WSCD1: variants seen among roughly 807,000 people sequenced by gnomAD.
The protein encoded by WSCD1 is WSC domain sialate O sulfotransferase 1, also known as sialate:O-sulfotransferase 1.
WSCD1 carries 41 observed loss-of-function variants against 60.4 expected under a neutral mutation model. The observed-to-expected ratio is 0.68, with a 90% CI of 0.53 to 0.88. WSCD1 has a LOEUF of 0.88. WSCD1 is among the 40% of genes least tolerant of loss of function. The pLI, the probability that WSCD1 is intolerant of heterozygous loss-of-function variation, is 0.00. For missense variants in WSCD1, 784 were observed against 796.2 expected, an observed-to-expected ratio of 0.98 and a Z score of 0.18; for synonymous variants, 361 against 332.5, an observed-to-expected ratio of 1.09 and a Z score of -0.93.
At chr17:6,106,032 A>G (rs1911068636) in intron 5 of WSCD1, among the ~76,000 whole-genome samples, 1 of 152,210 alleles carries the variant, frequency 6.6e-6, no homozygotes, top group Non-Finnish European at 1.5e-5. Flanking sequence ...TTCTTCATTC[A>G]TTCACTCATT....
chr17:6,086,250 CATATATATATAT>C (rs61690560), intron 2 of WSCD1, among the ~76,000 whole-genome samples: 13,320 of 98,248 alleles, frequency 0.14, 1,559 homozygotes, highest in Admixed American at 0.2. Context: ...GTCCTGACTT[CATATATATATAT>C]ATATATATAT....
chr17:6,109,874 G>A (rs1315472826), intron 6 of WSCD1, 108 bp downstream of exon 6: 4 of 1,439,254 alleles, frequency 2.8e-6, no homozygotes, highest in Non-Finnish European at 3.8e-6. Context: ...ATGAGGTATG[G>A]CATGTGTCTG....
chr17:6,118,116 C>T lies in WSCD1; in HGVS notation c.1303C>T (p.Leu435=). The T allele has an allele frequency of 6.2e-7, 1 of 1,614,188 alleles. No homozygotes were observed. Among genetic ancestry groups the T allele is most frequent in the South Asian group, 1.1e-5 (1 of 91,086 alleles). ...GCTAATCCGGAACCCATACAGGTCC[C>T]TGGTGGCAGAATTCAACAGAAAATG... ...ILLIRNPYRS[L]VAEFNRKCAG... is the part of the protein sequence containing the mutation. Residue 435 remains leucine, a synonymous_variant, in exon 8 of 9, where the codon CTG becomes TTG. Coordinates refer to ENST00000317744, the MANE Select transcript of WSCD1 (RefSeq NM_015253.2). This position sits in a 1 kb window ranked among gnomAD's most constrained non-coding sequence, Gnocchi z 5.8.
At chr17:6,090,639 A>G (rs1909973732) in intron 4 of WSCD1, 134 bp downstream of exon 4, 2 of 1,249,722 alleles carry the variant, frequency 1.6e-6, no homozygotes, top group Non-Finnish European at 2.2e-6. Context: ...CCCTATTGCC[A>G]TCACTGGACA....
intron 2 of WSCD1, among the ~76,000 whole-genome samples, chr17:6,087,262 A>G (rs113267522): frequency 0.015 from 2,348 of 152,186 alleles, 53 homozygotes; most frequent in African/African-American, 0.054. Context: ...GGGCTGTGAC[A>G]GACTCTCACT....
intron 2 of WSCD1, among the ~76,000 whole-genome samples, chr17:6,083,881 G>A (rs960860747): frequency 6.6e-6 from 1 of 152,170 alleles, no homozygotes; most frequent in Non-Finnish European, 1.5e-5. Context: ...GAACCAGTGA[G>A]CCCCCCTTTA....
chr17:6,113,221 T>C (rs950623365), intron 7 of WSCD1, among the ~76,000 whole-genome samples: 2 of 152,090 alleles, frequency 1.3e-5, no homozygotes, highest in Admixed American at 6.5e-5. Flanking sequence ...CAATAAATGG[T>C]GTTGGGAAGA....
intron 5 of WSCD1, among the ~76,000 whole-genome samples, chr17:6,096,547 G>A (rs937599067): frequency 1.3e-5 from 2 of 152,116 alleles, no homozygotes; most frequent in Non-Finnish European, 2.9e-5. Flanking sequence ...GCTCTCCTGC[G>A]TCACCAGCAT....
intron 5 of WSCD1, among the ~76,000 whole-genome samples, chr17:6,102,237 CTGTT>C (rs1910851929): frequency 6.6e-6 from 1 of 152,214 alleles, no homozygotes; most frequent in South Asian, 2.1e-4. Context: ...AATATGGAAC[CTGTT>C]TGTTCTCAGC....
chr17:6,070,154 G>GT (rs1908435433), upstream of WSCD1, among the ~76,000 whole-genome samples: 1 of 67,258 alleles, frequency 1.5e-5, no homozygotes, highest in Non-Finnish European at 3.0e-5. Context: ...TGGGTGACTG[G>GT]TGTGTGTGTG....
chr17:6,107,595 C>T (rs1911164668), intron 5 of WSCD1, among the ~76,000 whole-genome samples: 1 of 152,146 alleles, frequency 6.6e-6, no homozygotes. Flanking sequence ...TTGGGGGACA[C>T]AGTTCAGCCC....
chr17:6,080,969 G>T lies in WSCD1; in HGVS notation c.311G>T (p.Ser104Ile). 2.6e-6 allele frequency: 4 copies of T among 1,553,436 alleles called. No homozygotes were observed. Among genetic ancestry groups the T allele is most frequent in the Non-Finnish European group, 3.5e-6 (4 of 1,152,456 alleles). ...RPRPGPRWLR[S>I]RNSELRQLRR... ...CGGCCCGGCCCCCGCTGGCTCCGGA[G>T]CCGCAACTCGGAGCTGCGTCAGTTG... The change falls in exon 2 of 9, where the codon AGC becomes ATC. Residue 104 changes from serine to isoleucine, a missense_variant. Ser to Ile is a moderately radical substitution (Grantham distance 142). Coordinates refer to ENST00000317744, the MANE Select transcript of WSCD1 (RefSeq NM_015253.2). The surrounding 1 kb of genome is among the most constrained non-coding windows in gnomAD (Gnocchi z 6.6).
intron 7 of WSCD1, among the ~76,000 whole-genome samples, chr17:6,112,085 C>T (rs191967281): frequency 4.1e-4 from 63 of 152,036 alleles, no homozygotes; most frequent in African/African-American, 1.5e-3. Context: ...AGTTCTAAGA[C>T]AAAAGTTTAC....
In WSCD1 at chr17:6,120,670, G is replaced by T; in HGVS notation, c.*9G>T. On this transcript the variant is annotated 3_prime_UTR_variant, in exon 9 of 9. Coordinates refer to ENST00000317744, the MANE Select transcript of WSCD1 (RefSeq NM_015253.2). ...AGTATGTGCCCAGATGATAGGCCTGGCCCACGCCGCCGCCCCCGCTGAGTG... is the reference window on the plus strand; with the variant it reads ...AGTATGTGCCCAGATGATAGGCCTGTCCCACGCCGCCGCCCCCGCTGAGTG... 6.3e-7 allele frequency: 1 copy of T among 1,598,208 alleles called. No individual in the cohort carries two copies. Among genetic ancestry groups the T allele is most frequent in the South Asian group, 1.1e-5 (1 of 89,442 alleles).
intron 6 of WSCD1, 144 bp downstream of exon 6, chr17:6,109,910 G>T: frequency 8.6e-7 from 1 of 1,157,672 alleles, no homozygotes. Context: ...ATCTTGATGG[G>T]TGTTGGAGAT....
At position 6,096,763 on chromosome 17, in the gene WSCD1, G is replaced by A. The variant is rs904123250; in HGVS notation, c.849+1540G>A. 7.9e-5 allele frequency among the ~76,000 whole-genome samples: 12 copies of A among 152,226 alleles called. No homozygotes were observed. In the East Asian group the frequency reaches 2.3e-3, roughly 29 times the overall value. ...CCTGCTGGTGCTCTCAGGAGAATGA[G>A]CCACCCTCCTAGGGCTTCCCTCACA... On this transcript the variant is annotated intron_variant, in intron 5 of 8. Coordinates refer to ENST00000317744, the MANE Select transcript of WSCD1 (RefSeq NM_015253.2).
At chr17:6,095,031 C>T in intron 4 of WSCD1, 71 bp from the exon 5 acceptor site, 1 of 1,554,550 alleles carries the variant, frequency 6.4e-7, no homozygotes. Flanking sequence ...CTAAAGCCAG[C>T]ATTTTCCCTG....
chr17:6,084,225 G>A (rs1909471841), intron 2 of WSCD1, among the ~76,000 whole-genome samples: 1 of 152,240 alleles, frequency 6.6e-6, no homozygotes, highest in South Asian at 2.1e-4. Context: ...TTGTGAATGT[G>A]TGCCAGGACC....
intron 2 of WSCD1, among the ~76,000 whole-genome samples, chr17:6,084,470 CTT>C (rs1909493712): frequency 1.3e-5 from 2 of 152,240 alleles, no homozygotes; most frequent in Non-Finnish European, 2.9e-5. Flanking sequence ...GCGGGTGTCT[CTT>C]TGTGGCCCGG....
Sources: allele counts gnomAD v4.1 joint callset (sites outside exome capture counted in the v4.1 genomes callset), GRCh38; gene constraint gnomAD v4.1.1; non-coding constraint Gnocchi (gnomAD v3.1); transcripts MANE v1.5; gene names NCBI Gene and HGNC (gene_info 2026-07-23, HGNC 2026-07-21).